NAALADL2: variants seen among roughly 807,000 people sequenced by gnomAD.
The protein encoded by NAALADL2 is N-acetylated alpha-linked acidic dipeptidase like 2, also known as inactive N-acetylated-alpha-linked acidic dipeptidase-like protein 2.
Under a neutral mutation model 87.2 loss-of-function variants are expected in NAALADL2, and 76 were observed. The observed-to-expected ratio is 0.87, with a 90% CI of 0.72 to 1.05. NAALADL2 has a LOEUF of 1.05. Among genes scored for constraint, NAALADL2 ranks in the 50% least tolerant of loss-of-function variants. NAALADL2 has a pLI of 0.00. For synonymous variants in NAALADL2, 354 were observed against 331.0 expected, an observed-to-expected ratio of 1.07 and a Z score of -0.75; for missense variants, 1,089 against 945.8, an observed-to-expected ratio of 1.15 and a Z score of -1.99.
intron 2 of NAALADL2, among the ~76,000 whole-genome samples, chr3:175,220,269 T>A: frequency 6.6e-6 from 1 of 151,910 alleles, no homozygotes. Context: ...TATTGATTCT[T>A]GCATGTGTCT....
chr3:175,668,800 G>C (rs923563580), intron 11 of NAALADL2, among the ~76,000 whole-genome samples: 4 of 152,028 alleles, frequency 2.6e-5, no homozygotes, highest in Admixed American at 6.6e-5. Flanking sequence ...AATAACAAAA[G>C]ACCAAGAAGG....
At chr3:174,885,073 C>T (rs1175461168) in intron 1 of NAALADL2, among the ~76,000 whole-genome samples, 1 of 152,072 alleles carries the variant, frequency 6.6e-6, no homozygotes, top group Non-Finnish European at 1.5e-5. Context: ...GTTGTTTCTT[C>T]TGGCAAAAAA....
At chr3:174,928,724 G>T (rs1736449156) in intron 1 of NAALADL2, among the ~76,000 whole-genome samples, 1 of 152,148 alleles carries the variant, frequency 6.6e-6, no homozygotes, top group African/African-American at 2.4e-5. Flanking sequence ...TTAAATTACA[G>T]TATTCATAGC....
chr3:174,959,683 A>G (rs567853223), intron 1 of NAALADL2, among the ~76,000 whole-genome samples: 1 of 152,164 alleles, frequency 6.6e-6, no homozygotes, highest in East Asian at 1.9e-4. Context: ...TCTCTAGGCA[A>G]AGTAAGGTTG....
chr3:174,761,195 G>T (rs1712896453), intron 3 of NAALADL2, among the ~76,000 whole-genome samples: 1 of 152,064 alleles, frequency 6.6e-6, no homozygotes, highest in Non-Finnish European at 1.5e-5. Flanking sequence ...CGAGTGCCTA[G>T]CAGTATCTAT....
intron 13 of NAALADL2, among the ~76,000 whole-genome samples, chr3:175,764,663 C>G (rs1225826886): frequency 6.6e-6 from 1 of 152,038 alleles, no homozygotes; most frequent in African/African-American, 2.4e-5. Flanking sequence ...AACACATAAG[C>G]TCCCAAAACT....
At chr3:175,174,707 T>C (rs970518335) in intron 2 of NAALADL2, among the ~76,000 whole-genome samples, 5 of 151,984 alleles carry the variant, frequency 3.3e-5, no homozygotes, top group African/African-American at 7.2e-5. Flanking sequence ...AATAGATCAA[T>C]AGAGATTGTG....
intron 3 of NAALADL2, among the ~76,000 whole-genome samples, chr3:175,238,486 C>T (rs1307645212): frequency 1.3e-5 from 2 of 152,018 alleles, no homozygotes; most frequent in African/African-American, 4.8e-5. Flanking sequence ...TAGATAAAGA[C>T]ACTATTTTAA....
intron 2 of NAALADL2, among the ~76,000 whole-genome samples, chr3:174,606,687 C>T (rs1456865021): frequency 2.0e-5 from 3 of 152,072 alleles, no homozygotes; most frequent in Non-Finnish European, 1.5e-5. Context: ...ACCAAATCTA[C>T]GTCTGATTGG....
chr3:175,348,107 AAC>A lies in NAALADL2; in HGVS notation c.1090+23784_1090+23785del, dbSNP rs374903363. Reference sequence around the variant, plus strand: ...GCTCTTGTTGCCCAGGCTGGAGTGCAACAGTGTGATCTTGGCTCACTGCAACC... The same window carrying A: ...GCTCTTGTTGCCCAGGCTGGAGTGCAAGTGTGATCTTGGCTCACTGCAACC... On this transcript the variant is annotated intron_variant, in intron 5 of 13. Transcript: ENST00000454872. Among the ~76,000 whole-genome samples the A allele has an allele frequency of 4.8e-4, 73 of 152,198 alleles. No homozygotes were observed. The East Asian group carries it at 0.011, about 24-fold the overall frequency.
At chr3:175,511,888 T>C (rs1478571099) in intron 9 of NAALADL2, among the ~76,000 whole-genome samples, 1 of 152,188 alleles carries the variant, frequency 6.6e-6, no homozygotes. Context: ...ACCTAGGGTA[T>C]GTTCAATTTT....
intron 1 of NAALADL2, among the ~76,000 whole-genome samples, chr3:174,934,969 T>G (rs562105063): frequency 2.6e-5 from 4 of 151,736 alleles, no homozygotes; most frequent in Non-Finnish European, 4.4e-5. Flanking sequence ...GTAAAAATAC[T>G]AATGTATTTT....
At chr3:175,030,683 T>C (rs1037637006) in intron 1 of NAALADL2, among the ~76,000 whole-genome samples, 7 of 152,072 alleles carry the variant, frequency 4.6e-5, no homozygotes, top group Admixed American at 4.6e-4. Flanking sequence ...GGGAATAATT[T>C]TTTGTAAATC....
At position 174,915,392 on chromosome 3, in the gene NAALADL2, G is replaced by C. The variant is rs550328846; in HGVS notation, c.43+55942G>C. On this transcript the variant is annotated intron_variant, in intron 1 of 13. Coordinates refer to ENST00000454872, the MANE Select transcript of NAALADL2 (RefSeq NM_207015.3). Reference sequence around the variant, plus strand: ...GCTGTCTCCTCCCTGTCAATGAACAGAGTTTGACAATGGAACATTAGATAT... The same window carrying C: ...GCTGTCTCCTCCCTGTCAATGAACACAGTTTGACAATGGAACATTAGATAT... 4.1e-4 allele frequency among the ~76,000 whole-genome samples: 63 copies of C among 152,220 alleles called. 1 individual carries two copies. The South Asian group carries it at 0.012, about 29-fold the overall frequency.
intron 3 of NAALADL2, among the ~76,000 whole-genome samples, chr3:174,827,588 G>T (rs532974891): frequency 3.3e-5 from 5 of 152,300 alleles, no homozygotes; most frequent in African/African-American, 9.6e-5. Flanking sequence ...CTCCATCTCA[G>T]TGTCACCTGA....
At chr3:175,442,608 T>C (rs1719992652) in intron 5 of NAALADL2, among the ~76,000 whole-genome samples, 1 of 152,210 alleles carries the variant, frequency 6.6e-6, no homozygotes, top group South Asian at 2.1e-4. Flanking sequence ...AGTGAGTCAA[T>C]GATGGAGTCA....
At chr3:175,685,632 G>A (rs923283147) in intron 11 of NAALADL2, among the ~76,000 whole-genome samples, 1 of 152,092 alleles carries the variant, frequency 6.6e-6, no homozygotes, top group Non-Finnish European at 1.5e-5. Context: ...AGACCCAGGA[G>A]AGCCAATAGT....
In NAALADL2 at chr3:175,533,511, G is replaced by C. The variant is rs565624619; in HGVS notation, c.1654-42530G>C. 4.5e-3 allele frequency among the ~76,000 whole-genome samples: 686 copies of C among 152,258 alleles called. 4 individuals carry two copies. The highest frequency in any genetic ancestry group is 0.016 in the African/African-American group (658 of 41,564). ...TGATGGCAGCATGGGTCGGGGAGGG[G>C]ATGTTGCCACTACTGGGGATGGGGA... On this transcript the variant is annotated intron_variant, in intron 9 of 13. Coordinates refer to ENST00000454872, the MANE Select transcript of NAALADL2 (RefSeq NM_207015.3).
intron 3 of NAALADL2, among the ~76,000 whole-genome samples, chr3:174,747,641 A>G (rs998670231): frequency 9.3e-5 from 14 of 150,756 alleles, no homozygotes; most frequent in Admixed American, 1.3e-4. Flanking sequence ...AAAAAAAAAA[A>G]AAAAAGAAAG....
Sources: gnomAD v4.1 joint callset for allele counts (sites outside exome capture counted in the v4.1 genomes callset) on GRCh38, gnomAD v4.1.1 for gene constraint, MANE v1.5 for transcripts, NCBI Gene and HGNC (gene_info 2026-07-23, HGNC 2026-07-21) for gene names.